Variants in ABAT observed in about 807,000 individuals in gnomAD.
The protein encoded by ABAT is 4-aminobutyrate aminotransferase, also known as 4-aminobutyrate aminotransferase, mitochondrial.
A neutral mutation model predicts 64.6 loss-of-function variants in ABAT; 45 were observed. The observed-to-expected ratio is 0.70, with a 90% CI of 0.55 to 0.89. The LOEUF is 0.89. ABAT is among the 40% of genes least tolerant of loss of function. The probability of loss-of-function intolerance (pLI) is 0.00; values close to 1 mark genes in which losing one functional copy is unlikely to be tolerated. For missense variants in ABAT, 633 were observed against 658.4 expected (o/e 0.96, Z 0.42); for synonymous variants, 297 against 250.5 (o/e 1.19, Z -1.75).
intron 1 of ABAT, among the ~76,000 whole-genome samples, chr16:8,708,893 G>A (rs1045714840): frequency 1.3e-5 from 2 of 152,092 alleles, no homozygotes; most frequent in Non-Finnish European, 2.9e-5. Flanking sequence ...CTCAATAAAC[G>A]GCGGCCAGTA....
chr16:8,717,603 T>C (rs994910625), intron 1 of ABAT, among the ~76,000 whole-genome samples: 3 of 152,180 alleles, frequency 2.0e-5, no homozygotes, highest in African/African-American at 7.2e-5. Flanking sequence ...TGCTGTAGCT[T>C]AGACCAGAGT....
intron 1 of ABAT, among the ~76,000 whole-genome samples, chr16:8,705,849 GA>G (rs1313587814): frequency 6.6e-6 from 1 of 152,196 alleles, no homozygotes; most frequent in African/African-American, 2.4e-5. Context: ...GCTATTGCTT[GA>G]GTGTAATTGT....
At chr16:8,771,475 T>C (rs2060107232) in intron 11 of ABAT, among the ~76,000 whole-genome samples, 2 of 150,442 alleles carry the variant, frequency 1.3e-5, no homozygotes, top group African/African-American at 4.9e-5. Context: ...TTTCTTTTTT[T>C]TTTTTTTTTG....
At chr16:8,708,298 G>A (rs1410461331) in intron 1 of ABAT, among the ~76,000 whole-genome samples, 1 of 151,974 alleles carries the variant, frequency 6.6e-6, no homozygotes, top group Non-Finnish European at 1.5e-5. Context: ...CCAGGCTGGA[G>A]TGCAGTGGCA....
Position 8,718,462 on chromosome 16 carries a change from C to CA in ABAT, c.-41-17236dup, listed in dbSNP as rs2058273656. On this transcript the variant is annotated intron_variant, in intron 1 of 15. Coordinates refer to ENST00000268251, the MANE Select transcript of ABAT (RefSeq NM_020686.6). ...TTGCATTAATCTGACGGATGGGACT[C>CA]AGAGGTTGCTTTTCAGTTCAGTTCC... 2.6e-5 allele frequency among the ~76,000 whole-genome samples: 4 copies of CA among 152,142 alleles called. No homozygotes were observed. In the South Asian group the frequency reaches 6.2e-4, roughly 24 times the overall value.
chr16:8,762,921 A>G (rs2059837817), intron 6 of ABAT, among the ~76,000 whole-genome samples: 1 of 152,094 alleles, frequency 6.6e-6, no homozygotes, highest in East Asian at 1.9e-4. Flanking sequence ...AGCCTGGGCA[A>G]CATGGCGAAA....
intron 5 of ABAT, among the ~76,000 whole-genome samples, chr16:8,757,036 T>A (rs2059667934): frequency 6.6e-6 from 1 of 152,160 alleles, no homozygotes; most frequent in African/African-American, 2.4e-5. Context: ...AGCAAACATT[T>A]GTCGAGATTT....
At chr16:8,727,625 T>G (rs1009770541) in intron 1 of ABAT, among the ~76,000 whole-genome samples, 1 of 152,236 alleles carries the variant, frequency 6.6e-6, no homozygotes, top group East Asian at 1.9e-4. Flanking sequence ...GTACATATCA[T>G]GCTGAGTTAT....
chr16:8,676,763 T>C (rs2057212500), intron 1 of ABAT, among the ~76,000 whole-genome samples: 1 of 152,188 alleles, frequency 6.6e-6, no homozygotes, highest in South Asian at 2.1e-4. Context: ...CCTGAGGATG[T>C]CATATTCCTT....
In ABAT at chr16:8,768,854, A is replaced by G. The variant is rs1288603246; in HGVS notation, c.697A>G (p.Ile233Val). ...CTTAGCGACCACGCACTCTAAAGCC[A>G]TTCACAAGATCGACATCCCTTCCTT... ...GCLATTHSKA[I>V]HKIDIPSFDW... The change falls in exon 11 of 16, where the codon ATT becomes GTT. Residue 233 changes from isoleucine (I) to valine (V), a missense_variant. Transcript: ENST00000268251. 1.9e-6 allele frequency: 3 copies of G among 1,614,074 alleles called. No homozygotes were observed. The highest frequency in any genetic ancestry group is 2.5e-6 in the Non-Finnish European group (3 of 1,180,044).
intron 2 of ABAT, among the ~76,000 whole-genome samples, chr16:8,743,686 TATA>T (rs530926686): frequency 4.3e-4 from 3 of 6,940 alleles, no homozygotes; most frequent in African/African-American, 8.4e-4. Flanking sequence ...ATATTTTAGT[TATA>T]ATATATATTT....
chr16:8,724,777 A>T (rs1464437052), intron 1 of ABAT, among the ~76,000 whole-genome samples: 2 of 144,362 alleles, frequency 1.4e-5, no homozygotes, highest in African/African-American at 2.6e-5. Context: ...AAACAATGGC[A>T]ATCTTGGGGT....
intron 1 of ABAT, among the ~76,000 whole-genome samples, chr16:8,725,028 C>T (rs867891691): frequency 2.0e-5 from 3 of 151,922 alleles, no homozygotes; most frequent in Middle Eastern, 3.4e-3. Context: ...GCGATTCTCC[C>T]GCCTCAGCCT....
At chr16:8,771,412 T>G (rs1273415) in intron 11 of ABAT, among the ~76,000 whole-genome samples, 1 of 151,040 alleles carries the variant, frequency 6.6e-6, no homozygotes, top group African/African-American at 2.4e-5. Flanking sequence ...TTGTACATAA[T>G]AAAGAAAGCT....
At chr16:8,749,008 G>T (rs2142694903) in intron 4 of ABAT, among the ~76,000 whole-genome samples, 1 of 150,294 alleles carries the variant, frequency 6.7e-6, no homozygotes, top group African/African-American at 2.4e-5. Flanking sequence ...CACAGTTAAT[G>T]TTATTATTCA....
chr16:8,774,090 A>C (rs2060198739), intron 12 of ABAT, among the ~76,000 whole-genome samples: 1 of 152,140 alleles, frequency 6.6e-6, no homozygotes, highest in African/African-American at 2.4e-5. Flanking sequence ...CACCATGCCC[A>C]GCTAATTTTT....
At chr16:8,749,785 G>A (rs1284635946) in intron 4 of ABAT, among the ~76,000 whole-genome samples, 1 of 151,798 alleles carries the variant, frequency 6.6e-6, no homozygotes, top group East Asian at 1.9e-4. Context: ...CACAATCTAA[G>A]TTCACTGCAA....
chr16:8,683,159 T>G (rs187303132), intron 1 of ABAT: 1 of 152,334 alleles, frequency 6.6e-6, no homozygotes, highest in East Asian at 1.9e-4. Context: ...GAGCAGTGCC[T>G]TGCCCAAGGT....
Position 8,776,232 on chromosome 16 carries a change from C to A in ABAT, c.1123-112C>A. On this transcript the variant is annotated intron_variant, in intron 13 of 15. Transcript: ENST00000268251. This position sits in a 1 kb window ranked among gnomAD's most constrained non-coding sequence, Gnocchi z 4.4. ...CCCCTGCCAGCCTCTGGTAGATGCC[C>A]ACTAGATTAGTTTCTCTCCTCTTCA... The A allele has an allele frequency of 6.9e-7, 1 of 1,438,888 alleles. No homozygotes were observed. The highest frequency in any genetic ancestry group is 9.7e-7 in the Non-Finnish European group (1 of 1,031,658). 89.1% of individuals were successfully genotyped at this position (1,438,888 alleles called of 1,614,324 possible).
Sources: gnomAD v4.1 joint callset for allele counts (sites outside exome capture counted in the v4.1 genomes callset) on GRCh38, gnomAD v4.1.1 for gene constraint, Gnocchi (gnomAD v3.1) non-coding constraint, MANE v1.5 for transcripts, NCBI Gene and HGNC (gene_info 2026-07-23, HGNC 2026-07-21) for gene names.